The following ZFYVE26 variants were observed in gnomAD, a reference collection of about 807,000 sequenced individuals.
ZFYVE26 encodes zinc finger FYVE-type containing 26.
Under a neutral mutation model 276.5 loss-of-function variants are expected in ZFYVE26, and 181 were observed. The observed-to-expected ratio is 0.65, with a 90% CI of 0.58 to 0.74. ZFYVE26 has a LOEUF of 0.74. ZFYVE26 is among the 30% of genes least tolerant of loss of function. ZFYVE26 has a pLI of 0.00. For missense variants in ZFYVE26, 2,821 were observed against 3,097.9 expected (o/e 0.91, Z 2.12); for synonymous variants, 1,129 against 1,203.1 (o/e 0.94, Z 1.27).
chr14:67,743,506 TAAAATAAAATAAAA>T (rs1321127426), downstream of ZFYVE26, among the ~76,000 whole-genome samples: 2 of 1,646 alleles, frequency 1.2e-3, no homozygotes, highest in Non-Finnish European at 0.031. Context: ...AATAATAAAA[TAAAATAAAATAAAA>T]TAAAATAAAA....
downstream of ZFYVE26, among the ~76,000 whole-genome samples, chr14:67,746,365 T>C (rs2038488721): frequency 6.6e-6 from 1 of 152,146 alleles, no homozygotes; most frequent in Non-Finnish European, 1.5e-5. Flanking sequence ...GGAAATGAGA[T>C]AAATCCTAAG....
In ZFYVE26 at chr14:67,798,021, A is replaced by C; in HGVS notation, c.2241T>G (p.His747Gln). 6.2e-7 allele frequency: 1 copy of C among 1,614,028 alleles called. No homozygotes were observed. The highest frequency in any genetic ancestry group is 8.5e-7 in the Non-Finnish European group (1 of 1,180,010). The change falls in exon 11 of 42, where the codon CAT becomes CAG. Residue 747 changes from histidine (H) to glutamine (Q), a missense_variant. Coordinates refer to ENST00000347230, the MANE Select transcript of ZFYVE26 (RefSeq NM_015346.4). ...QWRHKVVTSN[H>Q]RSEEQPSRRY... ...GTTCCACCCTTCTCTCACCTGAACGATGGTTGCTTGTCACCACCTTGTGTC... is the reference window on the plus strand; with the variant it reads ...GTTCCACCCTTCTCTCACCTGAACGCTGGTTGCTTGTCACCACCTTGTGTC...
At chr14:67,738,210 T>C (rs1169577953) in intron 13 of ZFYVE26, among the ~76,000 whole-genome samples, 1 of 151,868 alleles carries the variant, frequency 6.6e-6, no homozygotes, top group Non-Finnish European at 1.5e-5. Context: ...CATTAGCCTA[T>C]GTATGTAAAG....
At chr14:67,752,026 C>T (rs922207253) in intron 40 of ZFYVE26, among the ~76,000 whole-genome samples, 4 of 152,192 alleles carry the variant, frequency 2.6e-5, no homozygotes, top group African/African-American at 9.7e-5. Context: ...AGATAACAGG[C>T]TTCAAAGTTC....
At chr14:67,780,651 C>T (rs960508359) in intron 22 of ZFYVE26, among the ~76,000 whole-genome samples, 1 of 152,192 alleles carries the variant, frequency 6.6e-6, no homozygotes, top group African/African-American at 2.4e-5. Flanking sequence ...GCTCCTCTAC[C>T]CCAAACTCCA....
At chr14:67,802,317 GTTAA>G (rs1238078609) in intron 9 of ZFYVE26, 35 bp from the exon 10 acceptor site, 23 of 1,606,470 alleles carry the variant, frequency 1.4e-5, no homozygotes, top group Non-Finnish European at 1.9e-5. Context: ...GAACTTGAGA[GTTAA>G]TTAATTCAGG....
At chr14:67,737,603 G>A (rs1191877708) in intron 13 of ZFYVE26, among the ~76,000 whole-genome samples, 1 of 152,170 alleles carries the variant, frequency 6.6e-6, no homozygotes, top group Non-Finnish European at 1.5e-5. Flanking sequence ...TGGGGACACA[G>A]AACCAAACCA....
rs777072416 is a variant in ZFYVE26 at position 67,762,751 on chromosome 14, T to C, written c.6080A>G (p.Asp2027Gly). The change falls in exon 33 of 42, where the codon GAT becomes GGT. Residue 2027 changes from aspartate (D) to glycine (G), a missense_variant. Transcript: ENST00000347230. ...TACTGCAGCTGGCTGCAAGATCTGA[T>C]CCAAAGATGGCACGTGGCGATAGGC... ...AAAYRHVPSL[D>G]QILQPAAVTR... is the part of the protein sequence containing the mutation. 1.9e-6 allele frequency: 3 copies of C among 1,614,200 alleles called. No homozygotes were observed. Among genetic ancestry groups the C allele is most frequent in the Middle Eastern group, 3.3e-4 (2 of 6,060 alleles).
intron 35 of ZFYVE26, among the ~76,000 whole-genome samples, chr14:67,759,653 C>T (rs995640741): frequency 7.1e-6 from 1 of 141,516 alleles, no homozygotes; most frequent in East Asian, 2.0e-4. Flanking sequence ...CATGGTATAT[C>T]AGGAAAATTT....
intron 2 of ZFYVE26, among the ~76,000 whole-genome samples, chr14:67,815,041 G>C (rs900179572): frequency 2.0e-5 from 3 of 152,210 alleles, no homozygotes; most frequent in Admixed American, 6.5e-5. Context: ...TGGTTGCCAG[G>C]GAACAAGGAG....
chr14:67,789,380 A>C lies in ZFYVE26; in HGVS notation c.2974T>G (p.Leu992Val), dbSNP rs779865214. ...TTCAAACGCCGTTCGGCTGTCTCCA[A>C]AAGCTGCTTGCAGGTTTTCCAGAGC... ...CQLWKTCKQL[L>V]ETAERRLNSS... Residue 992 changes from leucine (L) to valine (V), a missense_variant, in exon 16 of 42, where the codon TTG becomes GTG. Transcript: ENST00000347230. 6.8e-6 allele frequency: 11 copies of C among 1,614,114 alleles called. No individual in the cohort carries two copies. Among genetic ancestry groups the C allele is most frequent in the Admixed American group, 1.7e-5 (1 of 60,014 alleles).
chr14:67,771,300 T>C (rs2039202144), intron 28 of ZFYVE26, among the ~76,000 whole-genome samples: 1 of 152,262 alleles, frequency 6.6e-6, no homozygotes, highest in South Asian at 2.1e-4. Context: ...CTGCAAAAGA[T>C]ATGATCTTGT....
At chr14:67,758,553 C>G (rs1291387999) in intron 35 of ZFYVE26, among the ~76,000 whole-genome samples, 3 of 152,148 alleles carry the variant, frequency 2.0e-5, no homozygotes, top group African/African-American at 7.2e-5. Context: ...GCAATGGTGG[C>G]TAATGCTGCT....
At chr14:67,738,914 A>G (rs1404947231) in intron 13 of ZFYVE26, among the ~76,000 whole-genome samples, 1 of 152,182 alleles carries the variant, frequency 6.6e-6, no homozygotes, top group Non-Finnish European at 1.5e-5. Context: ...TAAATATTTA[A>G]GATGCCAAAG....
chr14:67,815,628 A>C, intron 2 of ZFYVE26, 142 bp downstream of exon 2: 2 of 843,596 alleles, frequency 2.4e-6, no homozygotes, highest in East Asian at 2.4e-5. Flanking sequence ...TATAGAGGTA[A>C]AATTTCAGAG....
At chr14:67,750,053 G>A (rs2038594962) in intron 41 of ZFYVE26, among the ~76,000 whole-genome samples, 1 of 152,216 alleles carries the variant, frequency 6.6e-6, no homozygotes, top group Non-Finnish European at 1.5e-5. Context: ...TCTCTGTCCT[G>A]CTGAGTGGGA....
At chr14:67,812,703 T>C (rs892066236) in intron 3 of ZFYVE26, among the ~76,000 whole-genome samples, 1 of 152,220 alleles carries the variant, frequency 6.6e-6, no homozygotes, top group African/African-American at 2.4e-5. Context: ...TGAGCAACTG[T>C]CTAGAAAATA....
intron 2 of ZFYVE26, among the ~76,000 whole-genome samples, chr14:67,814,484 AC>A (rs2040361686): frequency 6.6e-6 from 1 of 152,058 alleles, no homozygotes; most frequent in Admixed American, 6.6e-5. Context: ...ATGCCACTGC[AC>A]TCCAGCCTGG....
chr14:67,789,027 T>A (rs1262718111), intron 16 of ZFYVE26, among the ~76,000 whole-genome samples: 1 of 152,198 alleles, frequency 6.6e-6, no homozygotes, highest in Non-Finnish European at 1.5e-5. Context: ...AGGTTTTAGG[T>A]TAAGTGAAGT....
Sources: gnomAD v4.1 joint callset for allele counts (sites outside exome capture counted in the v4.1 genomes callset) on GRCh38, gnomAD v4.1.1 for gene constraint, MANE v1.5 for transcripts, NCBI Gene and HGNC (gene_info 2026-07-23, HGNC 2026-07-21) for gene names.